Variants in MRPL42 observed in about 807,000 individuals in gnomAD.
The protein encoded by MRPL42 is mitochondrial ribosomal protein L42, also known as large ribosomal subunit protein mL42.
MRPL42 carries 17 observed loss-of-function variants against 17.9 expected under a neutral mutation model. The ratio of observed to expected loss-of-function variants is 0.95; its 90% CI spans 0.65 to 1.42. MRPL42 has a LOEUF of 1.42. MRPL42 is among the 40% of genes most tolerant of loss of function. The pLI is 0.00. For synonymous variants in MRPL42, 59 were observed against 54.4 expected (o/e 1.08, Z -0.37); for missense variants, 177 against 175.2 (o/e 1.01, Z -0.06).
At position 93,504,912 on chromosome 12, in the gene MRPL42, G is replaced by T. The variant is rs182344542; in HGVS notation, c.*3691G>T. 1.3e-5 allele frequency: 2 copies of T among 152,182 alleles called. No homozygotes were observed. The highest frequency in any genetic ancestry group is 3.9e-4 in the East Asian group (2 of 5,184). The allele number at this position is 152,182 out of a possible 1,614,324, so 9.4% of individuals were successfully genotyped here. On this transcript the variant is annotated 3_prime_UTR_variant, in exon 6 of 6. Coordinates refer to ENST00000549982, the MANE Select transcript of MRPL42 (RefSeq NM_014050.4). ...GACTACGTGTATCACTGTTTCTACC[G>T]CCTAACATTGCCTAGCACATTCATT... is the stretch of plus-strand genomic sequence containing the variant.
At chr12:93,490,849 T>C (rs981648347) in intron 5 of MRPL42, among the ~76,000 whole-genome samples, 53 of 152,258 alleles carry the variant, frequency 3.5e-4, no homozygotes, top group African/African-American at 1.1e-3. Context: ...TCTTCTTAAA[T>C]AAGTTTTTAT....
At position 93,487,596 on chromosome 12, in the gene MRPL42, C is replaced by T. The variant is rs1592779049; in HGVS notation, c.319C>T (p.Pro107Ser). ...AAAAGTTGAACACCTTGAGGAAGGA[C>T]CTATGATAGAACAACTTAGCAAAAT... ...EEKVEHLEEGPMIEQLSKMFF... is the reference protein window; with the variant it reads ...EEKVEHLEEGSMIEQLSKMFF... Residue 107 changes from proline (P) to serine (S), a missense_variant, in exon 5 of 6, where the codon CCT becomes TCT. Physicochemically the swap from Pro to Ser is moderately conservative, Grantham distance 74 (BLOSUM62 -1). Transcript: ENST00000549982. 1 of 1,613,082 alleles carries T rather than the reference C, an allele frequency of 6.2e-7. No individual in the cohort carries two copies. Among genetic ancestry groups the T allele is most frequent in the African/African-American group, 1.3e-5 (1 of 74,878 alleles).
At chr12:93,472,398 A>T (rs1175774179) in intron 2 of MRPL42, among the ~76,000 whole-genome samples, 1 of 152,118 alleles carries the variant, frequency 6.6e-6, no homozygotes, top group Non-Finnish European at 1.5e-5. Flanking sequence ...GCAACATAGG[A>T]AACCTCATTT....
At chr12:93,490,356 G>A (rs534927281) in intron 5 of MRPL42, among the ~76,000 whole-genome samples, 2 of 152,162 alleles carry the variant, frequency 1.3e-5, no homozygotes, top group Admixed American at 6.5e-5. Flanking sequence ...ATTACTAGGC[G>A]TTTTTTAATT....
chr12:93,478,155 C>T (rs767815647), intron 3 of MRPL42, among the ~76,000 whole-genome samples: 34 of 151,830 alleles, frequency 2.2e-4, no homozygotes, highest in Non-Finnish European at 4.0e-4. Context: ...GGGGTTTCAC[C>T]ATGTTGCCCA....
rs1953606753 is a variant in MRPL42 at position 93,502,187 on chromosome 12, A to G, written c.*966A>G. 2.6e-5 allele frequency: 4 copies of G among 152,202 alleles called. No homozygotes were observed. In the South Asian group the frequency reaches 8.3e-4, roughly 31 times the overall value. 9.4% of individuals were successfully genotyped at this position (152,202 alleles called of 1,614,324 possible). On this transcript the variant is annotated 3_prime_UTR_variant, in exon 6 of 6. Transcript: ENST00000549982. The stretch of plus-strand genomic sequence containing the variant: ...TTTTTTCCTGACTGTCTTAAAGATT[A>G]TGCTAGCTTTAGAACACATGCAAAC...
intron 5 of MRPL42, among the ~76,000 whole-genome samples, chr12:93,494,713 T>C (rs1284949626): frequency 1.3e-5 from 2 of 152,168 alleles, no homozygotes; most frequent in Non-Finnish European, 2.9e-5. Flanking sequence ...TTTAATGCCA[T>C]GGGACTGGAC....
rs1353781663 is a variant in MRPL42, at chr12:93,512,172, C to CT, written c.*10952dup. 6.6e-6 allele frequency: 1 copy of CT among 152,190 alleles called. No homozygotes were observed. Among genetic ancestry groups the CT allele is most frequent in the Non-Finnish European group, 1.5e-5 (1 of 68,044 alleles). The allele number at this position is 152,190 out of a possible 1,614,324, so 9.4% of individuals were successfully genotyped here. A position where few individuals can be genotyped will look rare whatever the true frequency, so the allele number is the denominator to read the frequency against. The stretch of plus-strand genomic sequence containing the variant: ...CAGCTTTATAAAGATATACATTGGG[C>CT]TGGGTGCGGTGGCTCATGCCTGTAA... On this transcript the variant is annotated 3_prime_UTR_variant, in exon 6 of 6. Transcript: ENST00000549982.
intron 4 of MRPL42, among the ~76,000 whole-genome samples, chr12:93,481,407 T>C (rs1191464071): frequency 6.6e-6 from 1 of 152,238 alleles, no homozygotes; most frequent in Admixed American, 6.5e-5. Flanking sequence ...CACTGTCAAA[T>C]CTAGATCATT....
intron 4 of MRPL42, among the ~76,000 whole-genome samples, chr12:93,485,801 C>A (rs11614266): frequency 3.3e-5 from 5 of 151,662 alleles, no homozygotes; most frequent in Non-Finnish European, 2.9e-5. Context: ...ATAGTGATTC[C>A]TTTTGTTTTC....
rs1332725679 is a variant in MRPL42, at chr12:93,510,887, GA to G, written c.*9667del. ...AGTGTTAAGATTAGATCTGTTTAAA[GA>G]GAAAGGAGAGAAAGTTTCAGGCAGG... is the stretch of plus-strand genomic sequence containing the variant. On this transcript the variant is annotated 3_prime_UTR_variant, in exon 6 of 6. Coordinates refer to ENST00000549982, the MANE Select transcript of MRPL42 (RefSeq NM_014050.4). 6.6e-6 allele frequency: 1 copy of G among 152,196 alleles called. No homozygotes were observed. The highest frequency in any genetic ancestry group is 1.5e-5 in the Non-Finnish European group (1 of 68,026). 9.4% of individuals were successfully genotyped at this position (152,196 alleles called of 1,614,324 possible).
chr12:93,481,259 C>T (rs190430726), intron 4 of MRPL42, among the ~76,000 whole-genome samples: 2 of 152,272 alleles, frequency 1.3e-5, no homozygotes, highest in Admixed American at 6.5e-5. Context: ...GTTGCCTTCA[C>T]CTTTTGACTC....
chr12:93,487,440 C>T, intron 4 of MRPL42, 57 bp from the exon 5 acceptor site: 1 of 1,490,752 alleles, frequency 6.7e-7, no homozygotes. Flanking sequence ...TGATCTCAAA[C>T]AAATGCTGGC....
intron 4 of MRPL42, among the ~76,000 whole-genome samples, chr12:93,480,965 A>G (rs1880431910): frequency 6.6e-6 from 1 of 152,204 alleles, no homozygotes; most frequent in Non-Finnish European, 1.5e-5. Context: ...CAACGTTTAG[A>G]AAAATAGGCC....
intron 5 of MRPL42, among the ~76,000 whole-genome samples, chr12:93,495,923 G>A (rs952693379): frequency 3.3e-5 from 5 of 152,176 alleles, no homozygotes; most frequent in Non-Finnish European, 4.4e-5. Context: ...AAGAGGAACT[G>A]AACACCTTAA....
Position 93,487,632 on chromosome 12 carries a change from A to T in MRPL42, c.355A>T (p.Thr119Ser). ...ACAACTTAGCAAAATGTTCTTTACT[A>T]CTAAGCACCGTTGGTATCCTCATGG... ...IEQLSKMFFT[T>S]KHRWYPHGRY... The change falls in exon 5 of 6, where the codon ACT becomes TCT. Residue 119 changes from threonine to serine, a missense_variant. Thr to Ser is a moderately conservative substitution (Grantham distance 58). Transcript: ENST00000549982. 1.9e-6 allele frequency: 3 copies of T among 1,613,222 alleles called. No homozygotes were observed. Among genetic ancestry groups the T allele is most frequent in the Non-Finnish European group, 2.5e-6 (3 of 1,179,406 alleles).
chr12:93,487,876 A>G (rs1953335278), intron 5 of MRPL42: 2 of 423,378 alleles, frequency 4.7e-6, no homozygotes, highest in Non-Finnish European at 8.3e-6. Flanking sequence ...AGCTCACTGC[A>G]GCCTCAACCT....
At chr12:93,481,097 C>A (rs1395245922) in intron 4 of MRPL42, among the ~76,000 whole-genome samples, 11 of 152,252 alleles carry the variant, frequency 7.2e-5, no homozygotes, top group African/African-American at 2.4e-4. Flanking sequence ...ACTAAGAATG[C>A]CAGGTCATTT....
In MRPL42 at chr12:93,479,519, T is replaced by A. The variant is rs578034671; in HGVS notation, c.219+47T>A. 3 of 1,312,586 alleles carry A rather than the reference T, an allele frequency of 2.3e-6. No homozygotes were observed. In the East Asian group the frequency reaches 7.0e-5, roughly 31 times the overall value. 81.3% of individuals were successfully genotyped at this position (1,312,586 alleles called of 1,614,324 possible). ...GCAGTTTTTAATTTGCTGTTAGAAA[T>A]GTTTGCACTTCTTTATAGTATCCAA... is the stretch of plus-strand genomic sequence containing the variant. On this transcript the variant is annotated intron_variant, in intron 4 of 5. Coordinates refer to ENST00000549982, the MANE Select transcript of MRPL42 (RefSeq NM_014050.4).
Sources: allele counts gnomAD v4.1 joint callset (sites outside exome capture counted in the v4.1 genomes callset), GRCh38; gene constraint gnomAD v4.1.1; transcripts MANE v1.5; gene names NCBI Gene and HGNC (gene_info 2026-07-23, HGNC 2026-07-21).